Variants in AUTS2 observed in about 807,000 individuals in gnomAD.
AUTS2 encodes the protein autism susceptibility gene 2 protein.
Under a neutral mutation model 112.4 loss-of-function variants are expected in AUTS2, and 17 were observed. That is an observed-to-expected ratio of 0.15 (90% CI 0.10 to 0.23). AUTS2 has a LOEUF of 0.23. Ranked by LOEUF, AUTS2 falls within the 10% of genes least tolerant of loss-of-function variation. The pLI, the probability that AUTS2 is intolerant of heterozygous loss-of-function variation, is 1.00. For missense variants in AUTS2, 1,510 were observed against 1,701.6 expected, an observed-to-expected ratio of 0.89 and a Z score of 1.98; for synonymous variants, 751 against 702.7, an observed-to-expected ratio of 1.07 and a Z score of -1.09.
intron 4 of AUTS2, among the ~76,000 whole-genome samples, chr7:70,315,686 C>T (rs537290660): frequency 4.6e-5 from 7 of 152,314 alleles, no homozygotes; most frequent in African/African-American, 1.7e-4. Context: ...TAGTCTCTCT[C>T]AAGTAGGAAG....
intron 1 of AUTS2, among the ~76,000 whole-genome samples, chr7:69,850,398 CAAAAAAAAAAAAAAAAAAAAAAAA>C (rs60553891): frequency 4.9e-4 from 17 of 34,658 alleles, no homozygotes; most frequent in Admixed American, 2.8e-3. Context: ...AACTCTGTCT[CAAAAAAAAAAAAAAAAAAAAAAAA>C]AAAAAAAAAA....
intron 2 of AUTS2, among the ~76,000 whole-genome samples, chr7:70,100,992 C>T (rs1804458147): frequency 6.6e-6 from 1 of 152,122 alleles, no homozygotes; most frequent in Non-Finnish European, 1.5e-5. Context: ...ATTCTCCTGC[C>T]TCTGCCTCCC....
intron 5 of AUTS2, among the ~76,000 whole-genome samples, chr7:70,586,096 C>G (rs1020134367): frequency 4.6e-5 from 7 of 152,228 alleles, no homozygotes; most frequent in Non-Finnish European, 1.0e-4. Context: ...CTTCTGACCT[C>G]AAGTGATCCT....
intron 5 of AUTS2, among the ~76,000 whole-genome samples, chr7:70,534,953 A>G (rs1800254249): frequency 1.3e-5 from 2 of 152,046 alleles, no homozygotes; most frequent in South Asian, 4.2e-4. Context: ...GCCTGCATAG[A>G]GTTGAATTGC....
chr7:70,698,532 C>A (rs766612632), intron 5 of AUTS2, 37 bp from the exon 6 acceptor site: 15 of 1,555,114 alleles, frequency 9.6e-6, no homozygotes, highest in Non-Finnish European at 1.3e-5. Flanking sequence ...ATATTAATGA[C>A]AATAATAATG....
chr7:70,577,808 GTTTT>G (rs34323784), intron 5 of AUTS2, among the ~76,000 whole-genome samples: 8 of 151,052 alleles, frequency 5.3e-5, no homozygotes, highest in Non-Finnish European at 1.0e-4. Context: ...GTTTTATTGG[GTTTT>G]TTTTTAATTT....
intron 2 of AUTS2, among the ~76,000 whole-genome samples, chr7:69,978,900 ACG>A (rs1554418167): frequency 3.4e-4 from 44 of 128,582 alleles, no homozygotes; most frequent in African/African-American, 9.2e-4. Flanking sequence ...ACACACACAC[ACG>A]CACACACGCA....
intron 2 of AUTS2, among the ~76,000 whole-genome samples, chr7:70,061,521 T>G (rs947846332): frequency 3.3e-5 from 5 of 152,040 alleles, no homozygotes; most frequent in Non-Finnish European, 7.4e-5. Context: ...ATAAAGCAAA[T>G]AGGTCATTAT....
chr7:70,192,221 G>A (rs62458807), intron 4 of AUTS2, among the ~76,000 whole-genome samples: 1 of 152,066 alleles, frequency 6.6e-6, no homozygotes, highest in Non-Finnish European at 1.5e-5. Context: ...TAAAAATGTT[G>A]TGTACCTTCC....
intron 2 of AUTS2, among the ~76,000 whole-genome samples, chr7:69,971,247 C>G (rs1797837963): frequency 6.6e-6 from 1 of 152,098 alleles, no homozygotes; most frequent in Non-Finnish European, 1.5e-5. Flanking sequence ...TCTGGCCGAC[C>G]TGAGTTTGAA....
intron 1 of AUTS2, among the ~76,000 whole-genome samples, chr7:69,828,923 C>A (rs1405396034): frequency 3.3e-5 from 5 of 152,094 alleles, no homozygotes; most frequent in African/African-American, 1.2e-4. Context: ...ACTTGTATTT[C>A]TTCTTATTGG....
intron 1 of AUTS2, among the ~76,000 whole-genome samples, chr7:69,607,658 A>G (rs1326008060): frequency 2.6e-5 from 4 of 152,156 alleles, no homozygotes; most frequent in Admixed American, 2.0e-4. Context: ...TATTTTTAAA[A>G]TGACTTAACT....
chr7:70,528,560 A>G (rs62455783), intron 5 of AUTS2, among the ~76,000 whole-genome samples: 3,484 of 152,276 alleles, frequency 0.023, 110 homozygotes, highest in Admixed American at 0.099. Context: ...CATCTATAAA[A>G]TAAGTTTCTA....
At chr7:70,040,525 T>A (rs1413892632) in intron 2 of AUTS2, among the ~76,000 whole-genome samples, 1 of 152,252 alleles carries the variant, frequency 6.6e-6, no homozygotes, top group African/African-American at 2.4e-5. Context: ...ATAGCCATTT[T>A]ACAAAGGAAT....
At chr7:70,537,460 G>C (rs751649767) in intron 5 of AUTS2, among the ~76,000 whole-genome samples, 1 of 152,172 alleles carries the variant, frequency 6.6e-6, no homozygotes, top group Non-Finnish European at 1.5e-5. Flanking sequence ...CTCCTTTCCT[G>C]AGTTGATTTA....
chr7:69,845,974 G>A (rs969036451), intron 1 of AUTS2, among the ~76,000 whole-genome samples: 1 of 152,154 alleles, frequency 6.6e-6, no homozygotes, highest in Admixed American at 6.5e-5. Flanking sequence ...GCTTTTAAGA[G>A]GTTCATGATG....
At chr7:70,716,161 G>A (rs1191349433) in intron 6 of AUTS2, among the ~76,000 whole-genome samples, 1 of 152,182 alleles carries the variant, frequency 6.6e-6, no homozygotes, top group Non-Finnish European at 1.5e-5. Context: ...GTGTGCCAGG[G>A]CACCTGCTGA....
intron 2 of AUTS2, among the ~76,000 whole-genome samples, chr7:69,986,439 C>T (rs1293356201): frequency 6.6e-6 from 1 of 152,216 alleles, no homozygotes; most frequent in Non-Finnish European, 1.5e-5. Flanking sequence ...GAATTCTTTA[C>T]AGAAATTCAC....
chr7:70,399,460 A>G (rs1042189109), intron 4 of AUTS2, among the ~76,000 whole-genome samples: 1 of 152,008 alleles, frequency 6.6e-6, no homozygotes, highest in Non-Finnish European at 1.5e-5. Flanking sequence ...TCCATAATGC[A>G]TTCTCTACAT....
Sources: gnomAD v4.1 joint callset for allele counts (sites outside exome capture counted in the v4.1 genomes callset) on GRCh38, gnomAD v4.1.1 for gene constraint, MANE v1.5 for transcripts, NCBI Gene and HGNC (gene_info 2026-07-23, HGNC 2026-07-21) for gene names.